ASF1A: variants seen among roughly 807,000 people sequenced by gnomAD.
ASF1A encodes anti-silencing function 1A histone chaperone.
In ASF1A, 5 loss-of-function variants were observed where a neutral mutation model predicts 22.0. The observed-to-expected ratio is 0.23, with a 90% CI of 0.12 to 0.48. ASF1A has a LOEUF of 0.48. Among genes scored for constraint, ASF1A ranks in the 20% least tolerant of loss-of-function variants. The pLI is 0.99. For missense variants in ASF1A, 137 were observed against 240.6 expected, an observed-to-expected ratio of 0.57 and a Z score of 2.85; for synonymous variants, 97 against 86.7, an observed-to-expected ratio of 1.12 and a Z score of -0.66.
chr6:118,898,424 AAT>A (rs1779582353), intron 1 of ASF1A, among the ~76,000 whole-genome samples: 1 of 146,106 alleles, frequency 6.8e-6, no homozygotes, highest in African/African-American at 2.7e-5. Context: ...TTTATGTAAT[AAT>A]TTTTTTTTTT....
intron 2 of ASF1A, among the ~76,000 whole-genome samples, chr6:118,904,883 G>A (rs1050371315): frequency 2.6e-5 from 4 of 152,144 alleles, no homozygotes; most frequent in Non-Finnish European, 4.4e-5. Context: ...CTGTCGCCAG[G>A]CTGGAGTGCA....
intron 2 of ASF1A, among the ~76,000 whole-genome samples, chr6:118,903,896 A>AT (rs1179047576): frequency 6.6e-6 from 1 of 152,282 alleles, no homozygotes; most frequent in African/African-American, 2.4e-5. Flanking sequence ...GCGTGAAAAG[A>AT]TTATCACCAC....
chr6:118,903,315 CAT>C (rs2114535059), intron 2 of ASF1A, among the ~76,000 whole-genome samples: 1 of 151,976 alleles, frequency 6.6e-6, no homozygotes, highest in African/African-American at 2.4e-5. Flanking sequence ...AGACAAACAG[CAT>C]ATTCTCCAGG....
Position 118,905,786 on chromosome 6 carries a change from A to G in ASF1A, c.360A>G (p.Thr120=), listed in dbSNP as rs576296979. 1 of 1,611,602 alleles carries G rather than the reference A, an allele frequency of 6.2e-7. No homozygotes were observed. The highest frequency in any genetic ancestry group is 1.3e-5 in the African/African-American group (1 of 74,994). ...GYYVNNEYTE[T]ELRENPPVKP... ...ATGTAAATAATGAATATACTGAGACAGAATTAAGGGAAAATCCACCAGTAA... is the reference window on the plus strand; with the variant it reads ...ATGTAAATAATGAATATACTGAGACGGAATTAAGGGAAAATCCACCAGTAA... The change falls in exon 3 of 4, where the codon ACA becomes ACG. Residue 120 remains threonine (T), a synonymous_variant. Coordinates refer to ENST00000229595, the MANE Select transcript of ASF1A (RefSeq NM_014034.3).
Position 118,907,623 on chromosome 6 carries a change from C to T in ASF1A, c.*9C>T. The T allele has an allele frequency of 6.2e-7, 1 of 1,604,250 alleles. No homozygotes were observed. Among genetic ancestry groups the T allele is most frequent in the Non-Finnish European group, 8.5e-7 (1 of 1,171,150 alleles). ...ACATGGACTGCATGTGACCACCTAC[C>T]ATCCCTTTAGTACAAATTAAGCTAT... On this transcript the variant is annotated 3_prime_UTR_variant, in exon 4 of 4. Coordinates refer to ENST00000229595, the MANE Select transcript of ASF1A (RefSeq NM_014034.3).
At chr6:118,894,807 C>T (rs568020975) in intron 1 of ASF1A, among the ~76,000 whole-genome samples, 1 of 152,200 alleles carries the variant, frequency 6.6e-6, no homozygotes, top group African/African-American at 2.4e-5. Context: ...CTCGGAGACC[C>T]GCACTCGCTC....
intron 2 of ASF1A, among the ~76,000 whole-genome samples, chr6:118,901,187 C>T (rs1768929163): frequency 6.6e-6 from 1 of 152,162 alleles, no homozygotes; most frequent in Non-Finnish European, 1.5e-5. Flanking sequence ...CTGTGAATAG[C>T]ACCTCAGTAT....
intron 2 of ASF1A, among the ~76,000 whole-genome samples, chr6:118,903,784 G>T (rs752522231): frequency 6.6e-6 from 1 of 152,114 alleles, no homozygotes; most frequent in African/African-American, 2.4e-5. Context: ...ATGGGGTTTC[G>T]CCATGTGGCC....
Position 118,894,500 on chromosome 6 carries a change from G to T in ASF1A, c.87G>T (p.Glu29Asp), listed in dbSNP as rs1171096378. 1.3e-6 allele frequency: 2 copies of T among 1,537,162 alleles called. No individual in the cohort carries two copies. The highest frequency in any genetic ancestry group is 4.9e-5 in the East Asian group (2 of 40,910). The change falls in exon 1 of 4, where the codon GAG (glutamate) becomes GAT (aspartate). Residue 29 changes from glutamate to aspartate, a missense_variant. By Grantham distance (45) the Glu-to-Asp change is conservative. Transcript: ENST00000229595. ...YNPFQFEITF[E>D]CIEDLSEDLE... ...CGTTCCAGTTCGAGATCACCTTCGA[G>T]TGCATCGAGGACCTGTCTGAAGGTG... is the stretch of plus-strand genomic sequence containing the variant.
At chr6:118,906,864 C>T (rs1475441108) in intron 3 of ASF1A, among the ~76,000 whole-genome samples, 8 of 152,056 alleles carry the variant, frequency 5.3e-5, no homozygotes, top group South Asian at 2.1e-4. Flanking sequence ...ATAATAAGGC[C>T]GGACTATTTT....
Position 118,908,330 on chromosome 6 carries a change from T to A in ASF1A, c.*716T>A, listed in dbSNP as rs1351824711. Reference sequence around the variant, plus strand: ...TGAATCATACATCATTATTGTCCAGTGAATTCAAGACCAAATACAATATCG... The same window carrying A: ...TGAATCATACATCATTATTGTCCAGAGAATTCAAGACCAAATACAATATCG... On this transcript the variant is annotated 3_prime_UTR_variant, in exon 4 of 4. Coordinates refer to ENST00000229595, the MANE Select transcript of ASF1A (RefSeq NM_014034.3). 6.6e-6 allele frequency: 1 copy of A among 152,170 alleles called. No homozygotes were observed. Among genetic ancestry groups the A allele is most frequent in the Non-Finnish European group, 1.5e-5 (1 of 68,004 alleles). The allele number at this position is 152,170 out of a possible 1,614,324, so 9.4% of individuals were successfully genotyped here. A position where few individuals can be genotyped will look rare whatever the true frequency, so the allele number is the denominator to read the frequency against.
At chr6:118,894,962 C>A (rs1199505019) in intron 1 of ASF1A, among the ~76,000 whole-genome samples, 1 of 152,128 alleles carries the variant, frequency 6.6e-6, no homozygotes, top group African/African-American at 2.4e-5. Context: ...CATCTTACCC[C>A]GAGTCGAGAA....
intron 2 of ASF1A, among the ~76,000 whole-genome samples, chr6:118,904,745 A>G (rs967985219): frequency 6.6e-6 from 1 of 152,252 alleles, no homozygotes; most frequent in Non-Finnish European, 1.5e-5. Context: ...AGAGCATACT[A>G]TATTGTAGAG....
At position 118,894,529 on chromosome 6, in the gene ASF1A, G is replaced by A. The variant is rs1267140528; in HGVS notation, c.109+7G>A. The A allele has an allele frequency of 1.3e-5, 20 of 1,535,286 alleles. No individual in the cohort carries two copies. The highest frequency in any genetic ancestry group is 1.7e-5 in the Non-Finnish European group (19 of 1,145,300). The stretch of plus-strand genomic sequence containing the variant: ...ATCGAGGACCTGTCTGAAGGTGAGT[G>A]CGGCGCCCGTGCGCCCGGGCTGTCA... On this transcript the variant is annotated splice_region_variant and intron_variant, in intron 1 of 3. Transcript: ENST00000229595.
At chr6:118,905,546 T>C in intron 2 of ASF1A, 106 bp from the exon 3 acceptor site, 1 of 802,924 alleles carries the variant, frequency 1.2e-6, no homozygotes, top group Non-Finnish European at 1.9e-6. Context: ...CAAGTTTTTC[T>C]TGTTGCATCC....
At chr6:118,905,536 C>T in intron 2 of ASF1A, 116 bp from the exon 3 acceptor site, 2 of 723,058 alleles carry the variant, frequency 2.8e-6, no homozygotes, top group Non-Finnish European at 4.3e-6. Context: ...GTATGATTTC[C>T]AAGTTTTTCT....
intron 1 of ASF1A, among the ~76,000 whole-genome samples, chr6:118,895,035 A>G (rs533560443): frequency 1.3e-5 from 2 of 152,118 alleles, no homozygotes; most frequent in South Asian, 4.2e-4. Flanking sequence ...GCCCCCGGCG[A>G]AAGGCAGGCA....
At chr6:118,902,443 C>G (rs6930200) in intron 2 of ASF1A, among the ~76,000 whole-genome samples, 1 of 151,820 alleles carries the variant, frequency 6.6e-6, no homozygotes, top group Non-Finnish European at 1.5e-5. Context: ...AGGACTTGCT[C>G]TGACCCACAG....
At chr6:118,904,533 C>T (rs961127813) in intron 2 of ASF1A, among the ~76,000 whole-genome samples, 1 of 152,196 alleles carries the variant, frequency 6.6e-6, no homozygotes, top group Non-Finnish European at 1.5e-5. Flanking sequence ...CTGGCTCCTT[C>T]CATCCGGTCG....
Sources: gnomAD v4.1 joint callset for allele counts (sites outside exome capture counted in the v4.1 genomes callset) on GRCh38, gnomAD v4.1.1 for gene constraint, MANE v1.5 for transcripts, NCBI Gene and HGNC (gene_info 2026-07-23, HGNC 2026-07-21) for gene names.